POLR2B: variants seen among roughly 807,000 people sequenced by gnomAD.
POLR2B encodes the protein DNA-directed RNA polymerase II subunit RPB2.
Under a neutral mutation model 144.6 loss-of-function variants are expected in POLR2B, and 57 were observed. That is an observed-to-expected ratio of 0.39 (90% CI 0.32 to 0.49). POLR2B has a LOEUF of 0.49. Among genes scored for constraint, POLR2B ranks in the 20% least tolerant of loss-of-function variants. The pLI is 0.83. For synonymous variants in POLR2B, 442 were observed against 469.8 expected, an observed-to-expected ratio of 0.94 and a Z score of 0.77; for missense variants, 595 against 1,467.4, an observed-to-expected ratio of 0.41 and a Z score of 9.71.
chr4:57,005,774 T>C lies in POLR2B; in HGVS notation c.1217+55T>C, dbSNP rs528122351. ...GCAGGGAGATTTATTTCACTTTAGATTGATCATTGCATATGGCCAGGCTAA... is the reference window on the plus strand; with the variant it reads ...GCAGGGAGATTTATTTCACTTTAGACTGATCATTGCATATGGCCAGGCTAA... On this transcript the variant is annotated intron_variant, in intron 9 of 24. Coordinates refer to ENST00000314595, the MANE Select transcript of POLR2B (RefSeq NM_000938.3). The C allele has an allele frequency of 5.8e-5, 90 of 1,544,336 alleles. No individual in the cohort carries two copies. The East Asian group carries it at 1.4e-3, about 24-fold the overall frequency.
At chr4:56,981,947 A>G (rs1380441826) in intron 1 of POLR2B, among the ~76,000 whole-genome samples, 2 of 152,238 alleles carry the variant, frequency 1.3e-5, no homozygotes. Context: ...AAAACTGTTG[A>G]TGACATCTTC....
At chr4:56,988,611 C>G (rs1040896573) in intron 2 of POLR2B, among the ~76,000 whole-genome samples, 4 of 152,114 alleles carry the variant, frequency 2.6e-5, no homozygotes, top group Non-Finnish European at 5.9e-5. Context: ...CATCTGTATT[C>G]CCTGCCATAA....
intron 6 of POLR2B, among the ~76,000 whole-genome samples, chr4:56,996,758 GTA>G (rs1223555940): frequency 6.6e-6 from 1 of 151,594 alleles, no homozygotes; most frequent in Non-Finnish European, 1.5e-5. Context: ...ACATTGCTGG[GTA>G]TTGTTAAGAG....
At chr4:57,012,422 A>G (rs1723221896) in intron 13 of POLR2B, among the ~76,000 whole-genome samples, 1 of 152,174 alleles carries the variant, frequency 6.6e-6, no homozygotes, top group African/African-American at 2.4e-5. Context: ...TTATTAAAAA[A>G]AAAAAAAATC....
intron 16 of POLR2B, among the ~76,000 whole-genome samples, chr4:57,020,135 G>A (rs1718865): frequency 0.2 from 30,232 of 152,112 alleles, 3,523 homozygotes; most frequent in Middle Eastern, 0.27. Context: ...CTGGGTTTAA[G>A]CGATTCTTCT....
At chr4:57,025,572 A>C in intron 23 of POLR2B, 35 bp downstream of exon 23, 12 of 1,413,040 alleles carry the variant, frequency 8.5e-6, no homozygotes, top group Non-Finnish European at 1.2e-5. Context: ...TTATTAATTA[A>C]CCTTATATTA....
At chr4:57,004,252 C>T (rs10018619) in intron 7 of POLR2B, among the ~76,000 whole-genome samples, 14,026 of 151,638 alleles carry the variant, frequency 0.092, 819 homozygotes, top group African/African-American at 0.16. Flanking sequence ...GTCTTCACTA[C>T]GTTGGCCAGG....
rs1260665839 is a variant in POLR2B, at chr4:57,017,301, G to T, written c.2154+60G>T. 4.8e-6 allele frequency: 6 copies of T among 1,244,220 alleles called. No homozygotes were observed. The highest frequency in any genetic ancestry group is 1.5e-5 in the African/African-American group (1 of 67,350). The allele number at this position is 1,244,220 out of a possible 1,614,324, so 77.1% of individuals were successfully genotyped here. ...TTGGGAGAAGTAATAAAAATTGAAA[G>T]TAACTCTGTAGTCTTATCTGGAGGG... On this transcript the variant is annotated intron_variant, in intron 15 of 24. Transcript: ENST00000314595. This position sits in a 1 kb window ranked among gnomAD's most constrained non-coding sequence, Gnocchi z 4.8.
Position 56,999,670 on chromosome 4 carries a change from C to G in POLR2B, c.789C>G (p.Ile263Met). 1 of 1,612,000 alleles carries G rather than the reference C, an allele frequency of 6.2e-7. No individual in the cohort carries two copies. The highest frequency in any genetic ancestry group is 8.5e-7 in the Non-Finnish European group (1 of 1,178,206). The change falls in exon 7 of 25, where the codon ATC becomes ATG. Residue 263 changes from isoleucine (I) to methionine (M), a missense_variant. This residue lies in a region of POLR2B where 251 missense variants were observed against 567.3 expected (regional missense o/e 0.44). Coordinates refer to ENST00000314595, the MANE Select transcript of POLR2B (RefSeq NM_000938.3). ...GCATTGTGGCAACTCTACCATATAT[C>G]AAGCAAGAAGTTCCCATCATTATTG... ...GQRIVATLPYIKQEVPIIIVF... is the reference protein window; with the variant it reads ...GQRIVATLPYMKQEVPIIIVF...
At chr4:56,984,746 C>A (rs1305421787) in intron 1 of POLR2B, among the ~76,000 whole-genome samples, 1 of 151,956 alleles carries the variant, frequency 6.6e-6, no homozygotes, top group Non-Finnish European at 1.5e-5. Context: ...AATTTTGAAC[C>A]CAGATCTCCT....
In POLR2B at chr4:57,005,282, G is replaced by T; in HGVS notation, c.937G>T (p.Glu313Ter). 6.3e-7 allele frequency: 1 copy of T among 1,590,408 alleles called. No homozygotes were observed. Among genetic ancestry groups the T allele is most frequent in the Non-Finnish European group, 8.5e-7 (1 of 1,172,306 alleles). The change falls in exon 8 of 25, where the codon GAA becomes TAA. Residue 313 changes from glutamate to a stop codon, truncating the protein, a stop_gained. Transcript: ENST00000314595. LOFTEE classifies it high-confidence loss of function. ...TCTCGATGAAGCTTTTGTCATCCAA[G>T]AACAGAATGTTGCACTAAATTTCAT... Reference protein sequence around the residue: ...PSLDEAFVIQEQNVALNFIGS... With the variant: ...PSLDEAFVIQ
chr4:56,979,051 G>T (rs2276897), intron 1 of POLR2B, 47 bp downstream of exon 1: 41,476 of 1,597,090 alleles, frequency 0.026, 4,028 homozygotes, highest in East Asian at 0.25. Context: ...ATTTAAGCAG[G>T]AAAGCGTTGG....
chr4:57,027,420 A>G (rs1173675315), intron 23 of POLR2B, among the ~76,000 whole-genome samples: 3 of 149,574 alleles, frequency 2.0e-5, no homozygotes, highest in East Asian at 2.0e-4. Flanking sequence ...TGATCCTCCC[A>G]TCTCAGCCTC....
chr4:57,005,007 G>A (rs902976429), intron 7 of POLR2B, among the ~76,000 whole-genome samples: 1 of 152,098 alleles, frequency 6.6e-6, no homozygotes, highest in African/African-American at 2.4e-5. Flanking sequence ...TTTTATAATG[G>A]AATTATTTGT....
rs184319387 is a variant in POLR2B at position 57,020,058 on chromosome 4, G to A, written c.2324-841G>A. 2.2e-4 allele frequency among the ~76,000 whole-genome samples: 33 copies of A among 152,058 alleles called. 1 individual carries two copies. In the East Asian group the frequency reaches 4.1e-3, roughly 19 times the overall value. ...TTATTTTATTTTATTTTTTTGAGAC[G>A]GATTCTCGCTCTGCCACCAGGCTGG... On this transcript the variant is annotated intron_variant, in intron 16 of 24. Coordinates refer to ENST00000314595, the MANE Select transcript of POLR2B (RefSeq NM_000938.3).
chr4:57,001,068 A>G (rs180895202), intron 7 of POLR2B, among the ~76,000 whole-genome samples: 1 of 152,250 alleles, frequency 6.6e-6, no homozygotes, highest in Non-Finnish European at 1.5e-5. Context: ...CATTAATAGT[A>G]TATAGTAATT....
intron 13 of POLR2B, among the ~76,000 whole-genome samples, chr4:57,014,348 C>G (rs1723296241): frequency 6.6e-6 from 1 of 151,720 alleles, no homozygotes; most frequent in Non-Finnish European, 1.5e-5. Context: ...CGCACACCAC[C>G]ACGCCCAGAT....
Position 57,017,486 on chromosome 4 carries a change from T to C in POLR2B, c.2155-74T>C. Reference sequence around the variant, plus strand: ...GGAGTTTTACCAATCATATTTCTTTTGATTTATTGTCAGAGTCTTTTCCAT... The same window carrying C: ...GGAGTTTTACCAATCATATTTCTTTCGATTTATTGTCAGAGTCTTTTCCAT... On this transcript the variant is annotated intron_variant, in intron 15 of 24. Transcript: ENST00000314595. The surrounding 1 kb of genome is among the most constrained non-coding windows in gnomAD (Gnocchi z 4.8). 15 of 1,237,500 alleles carry C rather than the reference T, an allele frequency of 1.2e-5. No homozygotes were observed. The highest frequency in any genetic ancestry group is 1.7e-5 in the Non-Finnish European group (15 of 888,094). 76.7% of individuals were successfully genotyped at this position (1,237,500 alleles called of 1,614,324 possible).
chr4:57,003,750 C>A (rs867772670), intron 7 of POLR2B, among the ~76,000 whole-genome samples: 1 of 151,314 alleles, frequency 6.6e-6, no homozygotes, highest in African/African-American at 2.4e-5. Flanking sequence ...GGCTGAGGCA[C>A]GAGAATCACT....
Sources: gnomAD v4.1 joint callset for allele counts (sites outside exome capture counted in the v4.1 genomes callset) on GRCh38, gnomAD v4.1.1 for gene constraint, gnomAD v4.1.1 regional missense constraint, Gnocchi (gnomAD v3.1) non-coding constraint, MANE v1.5 for transcripts, NCBI Gene and HGNC (gene_info 2026-07-23, HGNC 2026-07-21) for gene names.